Variants in CSMD2 observed in about 807,000 individuals in gnomAD.
CSMD2 encodes the protein CUB and sushi domain-containing protein 2.
In CSMD2, 130 loss-of-function variants were observed where a neutral mutation model predicts 398.5. The ratio of observed to expected loss-of-function variants is 0.33; its 90% confidence interval spans 0.28 to 0.38. The LOEUF is 0.38. Among genes scored for constraint, CSMD2 ranks in the 10% least tolerant of loss-of-function variants. The probability of loss-of-function intolerance (pLI) is 1.00; values close to 1 mark genes in which losing one functional copy is unlikely to be tolerated. For synonymous variants in CSMD2, 1,828 were observed against 1,908.5 expected (o/e 0.96, Z 1.10); for missense variants, 3,829 against 4,764.9 (o/e 0.80, Z 5.78).
At chr1:33,742,882 G>A (rs1647127308) in intron 14 of CSMD2, among the ~76,000 whole-genome samples, 1 of 152,192 alleles carries the variant, frequency 6.6e-6, no homozygotes, top group Admixed American at 6.5e-5. Context: ...GGCATTCAGG[G>A]ATTTCGGAGA....
At chr1:34,087,874 T>C (rs1187653506) in intron 2 of CSMD2, among the ~76,000 whole-genome samples, 1 of 152,164 alleles carries the variant, frequency 6.6e-6, no homozygotes, top group Non-Finnish European at 1.5e-5. Context: ...TGAAGAGGAC[T>C]CTAGCCCTTT....
At chr1:33,524,780 G>C in intron 66 of CSMD2, 102 bp downstream of exon 66, 1 of 1,202,656 alleles carries the variant, frequency 8.3e-7, no homozygotes, top group Non-Finnish European at 1.2e-6. Flanking sequence ...AGACAAGTCT[G>C]AGCCTTGCAT....
At chr1:33,999,534 C>T (rs548648076) in intron 3 of CSMD2, among the ~76,000 whole-genome samples, 6 of 151,736 alleles carry the variant, frequency 4.0e-5, no homozygotes, top group South Asian at 2.1e-4. Context: ...TAGTTGGGAC[C>T]GCATGCATGC....
At chr1:34,014,726 C>T (rs1647844201) in intron 3 of CSMD2, among the ~76,000 whole-genome samples, 2 of 152,268 alleles carry the variant, frequency 1.3e-5, no homozygotes, top group African/African-American at 4.8e-5. Flanking sequence ...TTTTTCCAGG[C>T]CTTGTTCAGA....
intron 13 of CSMD2, among the ~76,000 whole-genome samples, chr1:33,751,785 AT>A (rs547874463): frequency 0.081 from 11,785 of 145,190 alleles, 498 homozygotes; most frequent in Admixed American, 0.12. Flanking sequence ...CGCCCAGCTA[AT>A]TTTTTTTTTT....
intron 5 of CSMD2, among the ~76,000 whole-genome samples, chr1:33,866,549 G>A (rs753353455): frequency 6.6e-6 from 1 of 152,142 alleles, no homozygotes; most frequent in African/African-American, 2.4e-5. Flanking sequence ...CTCAGGAGAC[G>A]CCCGCATTTT....
chr1:33,742,943 T>C (rs1647129526), intron 14 of CSMD2, among the ~76,000 whole-genome samples: 3 of 152,132 alleles, frequency 2.0e-5, no homozygotes, highest in South Asian at 2.1e-4. Flanking sequence ...AGGCTTTCTT[T>C]CTCTTGGGCC....
intron 3 of CSMD2, among the ~76,000 whole-genome samples, chr1:33,999,407 T>C (rs1412734892): frequency 6.6e-6 from 1 of 152,170 alleles, no homozygotes; most frequent in Non-Finnish European, 1.5e-5. Flanking sequence ...TTGCTATTTT[T>C]TTGAGATAGG....
chr1:33,988,880 C>T (rs2147986552), intron 3 of CSMD2, among the ~76,000 whole-genome samples: 1 of 151,506 alleles, frequency 6.6e-6, no homozygotes, highest in Admixed American at 6.6e-5. Context: ...CTCACTTCAC[C>T]CCATACACAA....
rs753637372 is a variant in CSMD2 at position 33,541,316 on chromosome 1, T to C, written c.9278-7A>G. 1.2e-6 allele frequency: 2 copies of C among 1,612,668 alleles called. No homozygotes were observed. Among genetic ancestry groups the C allele is most frequent in the South Asian group, 1.1e-5 (1 of 91,010 alleles). ...GGGTCACCACAGTTTATGACTAGGA[T>C]AAGAGAGATATAGCATTGTTCACTC... On this transcript the variant is annotated splice_region_variant and splice_polypyrimidine_tract_variant and intron_variant, in intron 58 of 70. Coordinates refer to ENST00000373381, the MANE Select transcript of CSMD2 (RefSeq NM_001281956.2).
intron 53 of CSMD2, among the ~76,000 whole-genome samples, chr1:33,565,270 GAC>G (rs1658952197): frequency 6.6e-6 from 1 of 152,074 alleles, no homozygotes; most frequent in Admixed American, 6.6e-5. Flanking sequence ...ACAGAAAAGG[GAC>G]ATAAAAGTGT....
intron 57 of CSMD2, among the ~76,000 whole-genome samples, chr1:33,543,312 T>C (rs1656542311): frequency 6.6e-6 from 1 of 152,254 alleles, no homozygotes; most frequent in African/African-American, 2.4e-5. Context: ...AACCCAGAGA[T>C]GATTATTTCT....
intron 4 of CSMD2, among the ~76,000 whole-genome samples, chr1:33,930,571 A>AC (rs1320367690): frequency 5.3e-5 from 8 of 151,984 alleles, no homozygotes; most frequent in Non-Finnish European, 1.2e-4. Context: ...TCTCCCTACC[A>AC]CCTGCCTCTC....
chr1:33,566,718 C>T (rs909491965), intron 53 of CSMD2, among the ~76,000 whole-genome samples: 1 of 152,002 alleles, frequency 6.6e-6, no homozygotes, highest in Non-Finnish European at 1.5e-5. Context: ...GGCTAAAAAC[C>T]ACAATGTGCA....
chr1:33,557,202 T>C (rs987531262), intron 55 of CSMD2, among the ~76,000 whole-genome samples: 3 of 152,338 alleles, frequency 2.0e-5, no homozygotes, highest in Non-Finnish European at 2.9e-5. Context: ...GGTACTGGCA[T>C]CATTTTTATA....
At chr1:33,539,261 C>A (rs974667687) in intron 60 of CSMD2, among the ~76,000 whole-genome samples, 1 of 152,142 alleles carries the variant, frequency 6.6e-6, no homozygotes, top group Non-Finnish European at 1.5e-5. Flanking sequence ...TCACCTCACC[C>A]GGCCAAGAAA....
intron 5 of CSMD2, among the ~76,000 whole-genome samples, chr1:33,847,840 C>T (rs377642133): frequency 1.3e-5 from 2 of 152,116 alleles, no homozygotes; most frequent in Non-Finnish European, 2.9e-5. Context: ...ACCCCTCCCT[C>T]AAAAGCTTGC....
chr1:34,122,901 C>A (rs1662338068), intron 1 of CSMD2, among the ~76,000 whole-genome samples: 1 of 152,186 alleles, frequency 6.6e-6, no homozygotes, highest in Non-Finnish European at 1.5e-5. Context: ...GACACCCTGT[C>A]ATATATGTCC....
rs74744327 is a variant in CSMD2 at position 33,991,918 on chromosome 1, T to C, written c.517+40676A>G. Reference sequence around the variant, plus strand: ...ACAGAAAAAAAATGGGCAGGAGATATGAACAGGTAATCCACTTGAAAAAAA... The same window carrying C: ...ACAGAAAAAAAATGGGCAGGAGATACGAACAGGTAATCCACTTGAAAAAAA... On this transcript the variant is annotated intron_variant, in intron 3 of 70. Coordinates refer to ENST00000373381, the MANE Select transcript of CSMD2 (RefSeq NM_001281956.2). 6.5e-3 allele frequency among the ~76,000 whole-genome samples: 970 copies of C among 150,142 alleles called. 6 individuals carry two copies. The highest frequency in any genetic ancestry group is 0.023 in the African/African-American group (932 of 40,714).
Sources: gnomAD v4.1 joint callset for allele counts (sites outside exome capture counted in the v4.1 genomes callset) on GRCh38, gnomAD v4.1.1 for gene constraint, MANE v1.5 for transcripts, NCBI Gene and HGNC (gene_info 2026-07-23, HGNC 2026-07-21) for gene names.